Variants in SPESP1 observed in about 807,000 individuals in gnomAD.
SPESP1 encodes the protein sperm equatorial segment protein 1.
In SPESP1, 1 loss-of-function variant was observed where a neutral mutation model predicts 3.1. The observed-to-expected ratio is 0.33, with a 90% CI of 0.12 to 1.54. The LOEUF is 1.54. Among genes scored for constraint, SPESP1 ranks in the 40% most tolerant of loss-of-function variants. The pLI, the probability that SPESP1 is intolerant of heterozygous loss-of-function variation, is 0.38. For missense variants in SPESP1, 398 were observed against 410.1 expected, an observed-to-expected ratio of 0.97 and a Z score of 0.26; for synonymous variants, 138 against 150.7, an observed-to-expected ratio of 0.92 and a Z score of 0.62.
At chr15:68,931,654 T>C (rs1895544380) in intron 1 of SPESP1, among the ~76,000 whole-genome samples, 1 of 152,176 alleles carries the variant, frequency 6.6e-6, no homozygotes, top group Non-Finnish European at 1.5e-5. Context: ...ACTTAAGACC[T>C]GCCAAGGAGC....
At chr15:68,939,002 T>A (rs1895751576) in intron 1 of SPESP1, among the ~76,000 whole-genome samples, 1 of 152,222 alleles carries the variant, frequency 6.6e-6, no homozygotes, top group Non-Finnish European at 1.5e-5. Flanking sequence ...GTTCCTACAG[T>A]TATTTAGTAC....
intron 1 of SPESP1, among the ~76,000 whole-genome samples, chr15:68,938,373 G>GT: frequency 6.6e-6 from 1 of 152,062 alleles, no homozygotes; most frequent in Non-Finnish European, 1.5e-5. Flanking sequence ...TGAACGGGAT[G>GT]TATTTTTTTG....
chr15:68,944,483 G>A (rs1290197800), intron 1 of SPESP1, among the ~76,000 whole-genome samples: 2 of 151,792 alleles, frequency 1.3e-5, no homozygotes, highest in African/African-American at 4.8e-5. Flanking sequence ...TAAAAGACAG[G>A]AAATATTTCC....
chr15:68,941,604 T>C (rs1895825689), intron 1 of SPESP1, among the ~76,000 whole-genome samples: 1 of 139,728 alleles, frequency 7.2e-6, no homozygotes, highest in South Asian at 2.3e-4. Context: ...CTTCCTCTTC[T>C]GGGTGTGTGT....
chr15:68,935,328 A>G (rs1394534309), intron 1 of SPESP1, among the ~76,000 whole-genome samples: 1 of 152,206 alleles, frequency 6.6e-6, no homozygotes, highest in Non-Finnish European at 1.5e-5. Context: ...TGGGTTCACT[A>G]GACTCAGCTG....
intron 1 of SPESP1, among the ~76,000 whole-genome samples, chr15:68,945,054 A>G (rs1358568798): frequency 2.0e-5 from 3 of 152,236 alleles, no homozygotes; most frequent in South Asian, 2.1e-4. Context: ...CTAGATGTAA[A>G]TAACCTCACA....
intron 1 of SPESP1, among the ~76,000 whole-genome samples, chr15:68,935,514 G>T (rs929105929): frequency 6.6e-6 from 1 of 152,200 alleles, no homozygotes; most frequent in Admixed American, 6.5e-5. Context: ...TTGCTTCCAA[G>T]AAGGAGATTT....
At chr15:68,933,328 A>G (rs1895599194) in intron 1 of SPESP1, among the ~76,000 whole-genome samples, 1 of 151,686 alleles carries the variant, frequency 6.6e-6, no homozygotes. Context: ...GGTATACAGA[A>G]GTCGGCACTC....
In SPESP1 at chr15:68,945,871, A is replaced by G; in HGVS notation, c.337A>G (p.Lys113Glu). The G allele has an allele frequency of 2.5e-6, 4 of 1,614,124 alleles. No individual in the cohort carries two copies. Among genetic ancestry groups the G allele is most frequent in the Non-Finnish European group, 3.4e-6 (4 of 1,180,012 alleles). ...TGGFTPEIGK[K>E]KHTESTPFWS... is the part of the protein sequence containing the mutation. ...AGGCTTCACACCGGAAATAGGAAAGAAAAAACACACGGAAAGTACCCCATT... is the reference window on the plus strand; with the variant it reads ...AGGCTTCACACCGGAAATAGGAAAGGAAAAACACACGGAAAGTACCCCATT... Residue 113 changes from lysine to glutamate, a missense_variant, in exon 2 of 2, where the codon AAA becomes GAA. Transcript: ENST00000310673.
Position 68,930,713 on chromosome 15 carries a change from T to TC in SPESP1, c.62dup (p.Ser22GlufsTer7). 1 of 1,613,958 alleles carries TC rather than the reference T, an allele frequency of 6.2e-7. No individual in the cohort carries two copies. Among genetic ancestry groups the TC allele is most frequent in the Non-Finnish European group, 8.5e-7 (1 of 1,179,866 alleles). The stretch of plus-strand genomic sequence containing the variant: ...TATGGCCTTCGTCTGTGCCGGCTTA[T>TC]CCGAGTGAGTGACGGGCCTGAGGAG... On this transcript the variant is annotated frameshift_variant, in exon 1 of 2. Coordinates refer to ENST00000310673, the MANE Select transcript of SPESP1 (RefSeq NM_145658.4). LOFTEE classifies it low-confidence loss of function (END_TRUNC).
At chr15:68,930,792 C>T (rs905442689) in intron 1 of SPESP1, 75 bp downstream of exon 1, 5 of 1,604,308 alleles carry the variant, frequency 3.1e-6, no homozygotes, top group Non-Finnish European at 3.4e-6. Context: ...GACCTCGAAG[C>T]CTGGCCCTTC....
intron 1 of SPESP1, among the ~76,000 whole-genome samples, chr15:68,937,906 T>G (rs1256614109): frequency 6.6e-6 from 1 of 152,216 alleles, no homozygotes; most frequent in Non-Finnish European, 1.5e-5. Flanking sequence ...TAATTGGTCA[T>G]TCTATGAAAA....
intron 1 of SPESP1, among the ~76,000 whole-genome samples, chr15:68,945,153 G>A (rs558216236): frequency 2.6e-5 from 4 of 152,298 alleles, no homozygotes; most frequent in African/African-American, 9.6e-5. Flanking sequence ...GATTGTAAAT[G>A]TAGATAAGTT....
chr15:68,941,247 ATGC>A (rs1000979324), intron 1 of SPESP1, among the ~76,000 whole-genome samples: 1 of 152,206 alleles, frequency 6.6e-6, no homozygotes, highest in African/African-American at 2.4e-5. Flanking sequence ...CATCTTTATG[ATGC>A]TGAATCTTTT....
rs1294894792 is a variant in SPESP1 at position 68,946,035 on chromosome 15, A to T, written c.501A>T (p.Glu167Asp). The change falls in exon 2 of 2, where the codon GAA becomes GAT. Residue 167 changes from glutamate to aspartate, a missense_variant. Transcript: ENST00000310673. ...CAAGAATGTTGCCAGTTGTTACTGA[A>T]TCATCTACAAGTCCATATGTTACCT... Reference protein sequence around the residue: ...EAPRMLPVVTESSTSPYVTSY... With the variant: ...EAPRMLPVVTDSSTSPYVTSY... The T allele has an allele frequency of 4.3e-6, 7 of 1,614,188 alleles. No homozygotes were observed. The highest frequency in any genetic ancestry group is 5.9e-6 in the Non-Finnish European group (7 of 1,180,020).
intron 1 of SPESP1, among the ~76,000 whole-genome samples, chr15:68,937,961 TTTTA>T (rs892933219): frequency 7.2e-5 from 11 of 152,194 alleles, no homozygotes; most frequent in East Asian, 5.8e-4. Context: ...AAGTTTTAAA[TTTTA>T]TTTATTTATC....
At chr15:68,943,423 AC>A (rs1316818905) in intron 1 of SPESP1, among the ~76,000 whole-genome samples, 3 of 152,108 alleles carry the variant, frequency 2.0e-5, no homozygotes, top group African/African-American at 7.2e-5. Context: ...TAGAATCAAG[AC>A]CTCCAGACGT....
intron 1 of SPESP1, among the ~76,000 whole-genome samples, chr15:68,933,016 A>G (rs1347394259): frequency 7.5e-6 from 1 of 132,992 alleles, no homozygotes; most frequent in African/African-American, 2.9e-5. Context: ...TGCGTATATC[A>G]TTGAGCTTGA....
chr15:68,931,311 C>T (rs947481612), intron 1 of SPESP1, among the ~76,000 whole-genome samples: 1 of 150,044 alleles, frequency 6.7e-6, no homozygotes, highest in African/African-American at 2.5e-5. Context: ...GAAATGTACT[C>T]TTTCATGACT....
Sources: gnomAD v4.1 joint callset for allele counts (sites outside exome capture counted in the v4.1 genomes callset) on GRCh38, gnomAD v4.1.1 for gene constraint, MANE v1.5 for transcripts, NCBI Gene and HGNC (gene_info 2026-07-23, HGNC 2026-07-21) for gene names.